The following FGF13 variants were observed in gnomAD, a reference collection of about 807,000 sequenced individuals.
FGF13 encodes the protein fibroblast growth factor 13.
A neutral mutation model predicts 19.5 loss-of-function variants in FGF13; 2 were observed. The ratio of observed to expected loss-of-function variants is 0.10; its 90% CI spans 0.04 to 0.32. The LOEUF is 0.32. Among genes scored for constraint, FGF13 ranks in the 10% least tolerant of loss-of-function variants. The pLI, the probability that FGF13 is intolerant of heterozygous loss-of-function variation, is 1.00. For missense variants in FGF13, 113 were observed against 192.7 expected (o/e 0.59, Z 2.45); for synonymous variants, 72 against 76.9 (o/e 0.94, Z 0.33).
rs764833568 is a variant in FGF13, at chrX:139,087,457, A to C, written c.-113+115959T>G. Among the ~76,000 whole-genome samples the C allele has an allele frequency of 6.2e-5, 7 of 112,230 alleles. No homozygotes were observed. The South Asian group carries it at 2.6e-3, about 42-fold the overall frequency. The stretch of plus-strand genomic sequence containing the variant: ...TCATTTATTTTTCTGGGCCTCTTTA[A>C]GAATTATTTTTTAAATAAATATTTA... On this transcript the variant is annotated intron_variant, in intron 1 of 2. Transcript: ENST00000421460.
intron 1 of FGF13, among the ~76,000 whole-genome samples, chrX:139,149,401 A>T (rs759317090): frequency 8.7e-4 from 98 of 112,541 alleles, no homozygotes; most frequent in Non-Finnish European, 1.7e-3. Context: ...AAATGTACAT[A>T]GGAACCTAAT....
Position 138,618,021 on chromosome X carries a change from GA to G in FGF13, c.*14828del, listed in dbSNP as rs1360721173. On this transcript the variant is annotated 3_prime_UTR_variant, in exon 5 of 5. Coordinates refer to ENST00000315930, the MANE Select transcript of FGF13 (RefSeq NM_004114.5). ...AATTCCAAAATAAACTTTATTCAAG[GA>G]AAAAAATAATTAAAATATGCATTTT... 9.0e-6 allele frequency: 1 copy of G among 110,797 alleles called. No homozygotes were observed. Among genetic ancestry groups the G allele is most frequent in the Admixed American group, 9.6e-5 (1 of 10,413 alleles). 9.1% of individuals were successfully genotyped at this position (110,797 alleles called of 1,213,427 possible).
chrX:138,713,934 C>A (rs1246391901), upstream of FGF13, among the ~76,000 whole-genome samples: 1 of 111,523 alleles, frequency 9.0e-6, no homozygotes, highest in Non-Finnish European at 1.9e-5. Context: ...AGGCTGATAA[C>A]CAGGTGATTC....
At chrX:138,858,608 C>T (rs1438569811) in intron 2 of FGF13, among the ~76,000 whole-genome samples, 1 of 111,377 alleles carries the variant, frequency 9.0e-6, no homozygotes, top group Non-Finnish European at 1.9e-5. Context: ...CATTCCATTT[C>T]ACCAGAAGTG....
intron 3 of FGF13, among the ~76,000 whole-genome samples, chrX:138,823,254 G>A (rs945573203): frequency 2.7e-5 from 3 of 111,323 alleles, no homozygotes; most frequent in Non-Finnish European, 3.8e-5. Flanking sequence ...ATAGCTAGGT[G>A]GGAAGGAGTC....
At chrX:138,821,744 T>G (rs774894241) in intron 3 of FGF13, among the ~76,000 whole-genome samples, 14 of 112,034 alleles carry the variant, frequency 1.2e-4, no homozygotes, top group African/African-American at 4.5e-4. Context: ...TGAATAATCC[T>G]GCTTTAAAAG....
intron 1 of FGF13, among the ~76,000 whole-genome samples, chrX:138,969,192 G>C (rs933579430): frequency 1.8e-5 from 2 of 111,857 alleles, no homozygotes; most frequent in African/African-American, 6.5e-5. Flanking sequence ...TGTGTCAGAA[G>C]ACTTATTCTG....
At chrX:138,997,265 C>T (rs1294220551) in intron 1 of FGF13, among the ~76,000 whole-genome samples, 3 of 111,635 alleles carry the variant, frequency 2.7e-5, no homozygotes, top group Non-Finnish European at 5.6e-5. Flanking sequence ...AAAACAAGAC[C>T]GCCTCTTCTC....
At chrX:138,901,968 T>C (rs1199350221) in intron 1 of FGF13, among the ~76,000 whole-genome samples, 1 of 112,520 alleles carries the variant, frequency 8.9e-6, no homozygotes, top group Non-Finnish European at 1.9e-5. Flanking sequence ...AACTAAATAC[T>C]GACAGACAAT....
At chrX:138,695,395 A>T (rs2089886101) in intron 3 of FGF13, among the ~76,000 whole-genome samples, 3 of 112,044 alleles carry the variant, frequency 2.7e-5, no homozygotes, top group African/African-American at 9.7e-5. Context: ...TTCTCTACGG[A>T]AGGAAAAAAT....
At chrX:139,204,113 C>G (rs1371485751), upstream of FGF13, 1 of 1,209,892 alleles carries the variant, frequency 8.3e-7, no homozygotes, top group Non-Finnish European at 1.1e-6. Context: ...CTCATAGATC[C>G]CAGCTTGCTT....
intron 1 of FGF13, among the ~76,000 whole-genome samples, chrX:138,962,658 T>C (rs1483044263): frequency 8.9e-6 from 1 of 112,200 alleles, no homozygotes; most frequent in Non-Finnish European, 1.9e-5. Context: ...AGGAATACTA[T>C]GCAGCCATAA....
chrX:139,191,653 G>A (rs1418937795), intron 1 of FGF13, among the ~76,000 whole-genome samples: 1 of 111,507 alleles, frequency 9.0e-6, no homozygotes, highest in African/African-American at 3.3e-5. Flanking sequence ...GAGAAGGGGT[G>A]GGGGTGCACC....
intron 1 of FGF13, among the ~76,000 whole-genome samples, chrX:139,181,516 G>A (rs191216761): frequency 5.3e-4 from 60 of 112,642 alleles, no homozygotes; most frequent in Non-Finnish European, 1.0e-3. Context: ...AATTGAGGGC[G>A]GTTGAGACTG....
At chrX:138,692,969 T>A (rs1046884051) in intron 3 of FGF13, among the ~76,000 whole-genome samples, 1 of 111,207 alleles carries the variant, frequency 9.0e-6, no homozygotes, top group African/African-American at 3.3e-5. Context: ...TCTATTTAGC[T>A]ACAACCAATA....
At chrX:138,895,606 G>T (rs1049619965) in intron 1 of FGF13, among the ~76,000 whole-genome samples, 2 of 111,837 alleles carry the variant, frequency 1.8e-5, no homozygotes, top group Non-Finnish European at 3.8e-5. Context: ...GGAGGTACCT[G>T]AGAAACTAAA....
rs139552744 is a variant in FGF13 at position 138,950,445 on chromosome X, A to G, written c.-112-85795T>C. Among the ~76,000 whole-genome samples, 458 of 111,773 alleles carry G rather than the reference A, an allele frequency of 4.1e-3. 3 individuals are homozygous for G. Among genetic ancestry groups the G allele is most frequent in the African/African-American group, 0.014 (435 of 30,787 alleles). ...TTCTTTGAAGCACTCATATTCTCCA[A>G]TATTTATGTAAACCTCTTTCGATAG... is the stretch of plus-strand genomic sequence containing the variant. On this transcript the variant is annotated intron_variant, in intron 1 of 2. Coordinates refer to the FGF13 transcript ENST00000421460.
Position 138,874,296 on chromosome X carries a change from A to C in FGF13, c.-112-9646T>G, listed in dbSNP as rs190309202. On this transcript the variant is annotated intron_variant, in intron 1 of 2. Transcript: ENST00000421460. ...TTAGACTCAAGAAAGACAGGGCAAA[A>C]AGTTCCACGTAAATTATCTCCCAGC... Among the ~76,000 whole-genome samples, 929 of 109,976 alleles carry C rather than the reference A, an allele frequency of 8.4e-3. 12 individuals are homozygous for C. The highest frequency in any genetic ancestry group is 0.029 in the African/African-American group (864 of 30,293).
chrX:138,875,318 CACAGCTTA>C (rs1422975917), intron 1 of FGF13, among the ~76,000 whole-genome samples: 1 of 110,874 alleles, frequency 9.0e-6, no homozygotes, highest in Admixed American at 9.6e-5. Context: ...ACTGGAGACA[CACAGCTTA>C]AAACCTTGTA....
Sources: gnomAD v4.1 joint callset for allele counts (sites outside exome capture counted in the v4.1 genomes callset) on GRCh38, gnomAD v4.1.1 for gene constraint, MANE v1.5 for transcripts, NCBI Gene and HGNC (gene_info 2026-07-23, HGNC 2026-07-21) for gene names.